The following TRIM47 variants were observed in gnomAD, a reference collection of about 807,000 sequenced individuals.
TRIM47 encodes tripartite motif containing 47.
TRIM47 carries 46 observed loss-of-function variants against 54.4 expected under a neutral mutation model. The ratio of observed to expected loss-of-function variants is 0.84; its 90% CI spans 0.67 to 1.08. The LOEUF (loss-of-function observed/expected upper bound fraction) is 1.08. Among genes scored for constraint, TRIM47 ranks in the 50% least tolerant of loss-of-function variants. The pLI is 0.00. For missense variants in TRIM47, 825 were observed against 910.1 expected (o/e 0.91, Z 1.20); for synonymous variants, 392 against 410.2 (o/e 0.96, Z 0.54).
chr17:75,877,437 A>C, intron 1 of TRIM47: 4 of 174,388 alleles, frequency 2.3e-5, no homozygotes, highest in Non-Finnish European at 3.6e-5. Flanking sequence ...TGGACAGAGA[A>C]TCTGTGTGCC....
Position 75,876,372 on chromosome 17 carries a change from C to G in TRIM47, c.892G>C (p.Gly298Arg), listed in dbSNP as rs763668176. The change falls in exon 3 of 6, where the codon GGC (glycine) becomes CGC (arginine). Residue 298 changes from glycine (G) to arginine (R), a missense_variant. Gly to Arg is a moderately radical substitution (Grantham distance 125, BLOSUM62 -2). Coordinates refer to ENST00000254816, the MANE Select transcript of TRIM47 (RefSeq NM_033452.3). ...FIEEGEAAML[G>R]RSQGDLRRQE... ...CGCCGCAGGTCACCCTGGGAGCGGCCTAGCATGGCAGCTTCCCCCTCCTCG... is the reference window on the plus strand; with the variant it reads ...CGCCGCAGGTCACCCTGGGAGCGGCGTAGCATGGCAGCTTCCCCCTCCTCG... 19 of 1,612,178 alleles carry G rather than the reference C, an allele frequency of 1.2e-5. No homozygotes were observed. The highest frequency in any genetic ancestry group is 1.7e-5 in the Admixed American group (1 of 59,992).
Position 75,876,040 on chromosome 17 carries a change from C to G in TRIM47, c.1062G>C (p.Pro354=), listed in dbSNP as rs761877823. 1.9e-6 allele frequency: 3 copies of G among 1,602,956 alleles called. No homozygotes were observed. Among genetic ancestry groups the G allele is most frequent in the Admixed American group, 1.7e-5 (1 of 60,006 alleles). ...EDGCGPGPGP[P]RELSFTKSSQ... ...ATGATTTGGTGAAGCTGAGCTCCCT[C>G]GGGGGTCCAGGCCCAGGGCCACACC... The change falls in exon 4 of 6, where the codon CCG becomes CCC. Residue 354 remains proline (P), a synonymous_variant. Coordinates refer to ENST00000254816, the MANE Select transcript of TRIM47 (RefSeq NM_033452.3).
At position 75,874,697 on chromosome 17, in the gene TRIM47, T is replaced by C; in HGVS notation, c.1703A>G (p.Lys568Arg). 1 of 1,610,298 alleles carries C rather than the reference T, an allele frequency of 6.2e-7. No homozygotes were observed. Residue 568 changes from lysine (K) to arginine (R), a missense_variant, in exon 6 of 6, where the codon AAG (lysine) becomes AGG (arginine). Transcript: ENST00000254816. This position sits in a 1 kb window ranked among gnomAD's most constrained non-coding sequence, Gnocchi z 6.2. ...ALAFYAVRDG[K>R]MSLLRRLKAS... Reference sequence around the variant, plus strand: ...CTTCAGCCTCCGCAGGAGGCTCATCTTGCCGTCCCGTACAGCATAGAAGGC... The same window carrying C: ...CTTCAGCCTCCGCAGGAGGCTCATCCTGCCGTCCCGTACAGCATAGAAGGC...
In TRIM47 at chr17:75,874,611, G is replaced by A; in HGVS notation, c.1789C>T (p.Leu597=). ...ASPIDPFQSR[L]DSHFAGLFTH... is the part of the protein sequence containing the mutation. ...AAGAGCCCCGCAAAGTGACTGTCCA[G>A]GCGGCTCTGGAAGGGGTCAATGGGG... Residue 597 remains leucine (L), a synonymous_variant, in exon 6 of 6, where the codon CTG becomes TTG. Coordinates refer to ENST00000254816, the MANE Select transcript of TRIM47 (RefSeq NM_033452.3). This position sits in a 1 kb window ranked among gnomAD's most constrained non-coding sequence, Gnocchi z 6.2. 6.4e-7 allele frequency: 1 copy of A among 1,569,318 alleles called. No homozygotes were observed. The highest frequency in any genetic ancestry group is 2.3e-5 in the East Asian group (1 of 44,364).
In TRIM47 at chr17:75,874,252, C is replaced by A; in HGVS notation, c.*231G>T. 1 of 412,368 alleles carries A rather than the reference C, an allele frequency of 2.4e-6. No homozygotes were observed. The highest frequency in any genetic ancestry group is 4.3e-6 in the Non-Finnish European group (1 of 234,074). 25.5% of individuals were successfully genotyped at this position (412,368 alleles called of 1,614,324 possible). A position where few individuals can be genotyped will look rare whatever the true frequency, so the allele number is the denominator to read the frequency against. On this transcript the variant is annotated 3_prime_UTR_variant, in exon 6 of 6. Transcript: ENST00000254816. This position sits in a 1 kb window ranked among gnomAD's most constrained non-coding sequence, Gnocchi z 6.2. ...AAGGAGGGGTTAGGGTAGCTTGGAG[C>A]TGTCCCAGCTGTAGCTCTGTCTCCC...
At position 75,874,336 on chromosome 17, in the gene TRIM47, G is replaced by T; in HGVS notation, c.*147C>A. 2.9e-6 allele frequency: 2 copies of T among 700,000 alleles called. No individual in the cohort carries two copies. Among genetic ancestry groups the T allele is most frequent in the Non-Finnish European group, 4.3e-6 (2 of 459,798 alleles). 43.4% of individuals were successfully genotyped at this position (700,000 alleles called of 1,614,324 possible). ...GGTCCTCCTGCCTGGGAGAGGGAAG[G>T]CTGAGTGTATAAAAAGGTGGAAGCC... On this transcript the variant is annotated 3_prime_UTR_variant, in exon 6 of 6. Coordinates refer to ENST00000254816, the MANE Select transcript of TRIM47 (RefSeq NM_033452.3). The surrounding 1 kb of genome is among the most constrained non-coding windows in gnomAD (Gnocchi z 6.2).
chr17:75,876,625 A>G, intron 2 of TRIM47, 93 bp downstream of exon 2: 1 of 1,541,740 alleles, frequency 6.5e-7, no homozygotes, highest in East Asian at 2.3e-5. Flanking sequence ...CCTGTCCTGG[A>G]TCTGGGCCAG....
chr17:75,877,037 C>A, intron 1 of TRIM47: 1 of 571,270 alleles, frequency 1.8e-6, no homozygotes, highest in Non-Finnish European at 3.1e-6. Context: ...GACTGGGTGT[C>A]TGCCTCGGGT....
At chr17:75,877,456 C>T in intron 1 of TRIM47, 1 of 192,962 alleles carries the variant, frequency 5.2e-6, no homozygotes, top group East Asian at 1.3e-4. Flanking sequence ...CCCGGTCGCC[C>T]TCTGCCGCCC....
chr17:75,877,907 C>T lies in TRIM47; in HGVS notation c.642G>A (p.Leu214=). 7.0e-7 allele frequency: 1 copy of T among 1,423,224 alleles called. No homozygotes were observed. The highest frequency in any genetic ancestry group is 9.2e-7 in the Non-Finnish European group (1 of 1,091,362). 88.2% of individuals were successfully genotyped at this position (1,423,224 alleles called of 1,614,324 possible). A position where few individuals can be genotyped will look rare whatever the true frequency, so the allele number is the denominator to read the frequency against. The change falls in exon 1 of 6, where the codon CTG becomes CTA. Residue 214 remains leucine, a synonymous_variant. Transcript: ENST00000254816. The part of the protein sequence containing the change: ...CAAQEHRGHE[L]VPLEQERALQ... ...GCGCGCGCTCCTGCTCCAGCGGCAC[C>T]AGCTCGTGGCCGCGGTGCTCCTGTG... is the stretch of plus-strand genomic sequence containing the variant.
chr17:75,878,225 G>A lies in TRIM47; in HGVS notation c.324C>T (p.Val108=), dbSNP rs2065147844. The A allele has an allele frequency of 1.6e-6, 2 of 1,231,178 alleles. No homozygotes were observed. Among genetic ancestry groups the A allele is most frequent in the African/African-American group, 1.6e-5 (1 of 64,000 alleles). 76.3% of individuals were successfully genotyped at this position (1,231,178 alleles called of 1,614,324 possible). ...GAGCGCAGGGGGCCGACGGCTCCGG[G>A]ACACTGGGCAGCGCGCTGGGTGCCG... ...EPSAPSALPS[V]PEPSAPCAPE... The change falls in exon 1 of 6, where the codon GTC becomes GTT. Residue 108 remains valine, a synonymous_variant. Transcript: ENST00000254816.
At position 75,876,407 on chromosome 17, in the gene TRIM47, A is replaced by C; in HGVS notation, c.857T>G (p.Leu286Arg). 6.2e-7 allele frequency: 1 copy of C among 1,612,266 alleles called. No homozygotes were observed. The highest frequency in any genetic ancestry group is 8.5e-7 in the Non-Finnish European group (1 of 1,179,998). ...AGCTTCCCCCTCCTCGATGAAGCCC[A>C]GCACCTGGGTCTGGAAGCCCTGCAG... ...AALQGFQTQV[L>R]GFIEEGEAAM... The change falls in exon 3 of 6, where the codon CTG (leucine) becomes CGG (arginine). Residue 286 changes from leucine (L) to arginine (R), a missense_variant. Coordinates refer to ENST00000254816, the MANE Select transcript of TRIM47 (RefSeq NM_033452.3).
intron 1 of TRIM47, chr17:75,877,584 C>G: frequency 1.0e-6 from 1 of 1,004,950 alleles, no homozygotes; most frequent in Admixed American, 4.5e-5. Context: ...CCCCGCGGGC[C>G]TAACCCGGCT....
Position 75,875,735 on chromosome 17 carries a change from G to C in TRIM47, c.1201+166C>G. ...CCCTCTACCCCAGGTCCAAGGGGCT[G>C]ATTGATCCCCACAGGGTGGCAGCTC... On this transcript the variant is annotated intron_variant, in intron 4 of 5. Coordinates refer to ENST00000254816, the MANE Select transcript of TRIM47 (RefSeq NM_033452.3). This position sits in a 1 kb window ranked among gnomAD's most constrained non-coding sequence, Gnocchi z 6.1. 1 of 847,888 alleles carries C rather than the reference G, an allele frequency of 1.2e-6. No individual in the cohort carries two copies. Among genetic ancestry groups the C allele is most frequent in the Non-Finnish European group, 1.8e-6 (1 of 552,994 alleles). The allele number at this position is 847,888 out of a possible 1,614,324, so 52.5% of individuals were successfully genotyped here.
At position 75,874,172 on chromosome 17, in the gene TRIM47, A is replaced by T. The variant is rs144917436; in HGVS notation, c.*311T>A. 3.9e-6 allele frequency: 1 copy of T among 253,718 alleles called. No individual in the cohort carries two copies. Among genetic ancestry groups the T allele is most frequent in the East Asian group, 7.0e-5 (1 of 14,386 alleles). The allele number at this position is 253,718 out of a possible 1,614,324, so 15.7% of individuals were successfully genotyped here. A position where few individuals can be genotyped will look rare whatever the true frequency, so the allele number is the denominator to read the frequency against. On this transcript the variant is annotated 3_prime_UTR_variant, in exon 6 of 6. Coordinates refer to ENST00000254816, the MANE Select transcript of TRIM47 (RefSeq NM_033452.3). The surrounding 1 kb of genome is among the most constrained non-coding windows in gnomAD (Gnocchi z 6.2). The stretch of plus-strand genomic sequence containing the variant: ...GGATGGAAAAGGAGTCATTCATTCA[A>T]CAAGTGTTTATTGAGCATCTACTAC...
At position 75,875,106 on chromosome 17, in the gene TRIM47, A is replaced by C; in HGVS notation, c.1294T>G (p.Leu432Val). ...YFLKFAYIVD[L>V]DSDTADKFLQ... ...AACTTGTCTGCTGTGTCGCTGTCCA[A>C]ATCCACAATATAGGCAACTGATCCC... Residue 432 changes from leucine (L) to valine (V), a missense_variant, in exon 6 of 6, where the codon TTG becomes GTG. Leu to Val is a conservative substitution (Grantham distance 32). Coordinates refer to ENST00000254816, the MANE Select transcript of TRIM47 (RefSeq NM_033452.3). The surrounding 1 kb of genome is among the most constrained non-coding windows in gnomAD (Gnocchi z 6.1). The C allele has an allele frequency of 6.3e-7, 1 of 1,599,896 alleles. No individual in the cohort carries two copies. Among genetic ancestry groups the C allele is most frequent in the Non-Finnish European group, 8.5e-7 (1 of 1,170,208 alleles).
chr17:75,874,527 C>A lies in TRIM47; in HGVS notation c.1873G>T (p.Gly625Trp). Reference protein sequence around the residue: ...LESVDAHLQIGPLKKSCISVL... With the variant: ...LESVDAHLQIWPLKKSCISVL... ...GATATGCAGGACTTCTTGAGGGGCC[C>A]GATCTGCAAGTGGGCGTCCACACTC... Residue 625 changes from glycine to tryptophan, a missense_variant, in exon 6 of 6, where the codon GGG (glycine) becomes TGG (tryptophan). Physicochemically the swap from Gly to Trp is radical, Grantham distance 184 (BLOSUM62 -2). Transcript: ENST00000254816. This position sits in a 1 kb window ranked among gnomAD's most constrained non-coding sequence, Gnocchi z 6.2. 1 of 1,513,866 alleles carries A rather than the reference C, an allele frequency of 6.6e-7. No homozygotes were observed. Among genetic ancestry groups the A allele is most frequent in the Non-Finnish European group, 8.8e-7 (1 of 1,131,072 alleles). 93.8% of individuals were successfully genotyped at this position (1,513,866 alleles called of 1,614,324 possible).
chr17:75,877,647 G>A (rs917486855), intron 1 of TRIM47: 43 of 1,222,024 alleles, frequency 3.5e-5, no homozygotes, highest in South Asian at 4.1e-5. Flanking sequence ...TCCCCTGCCC[G>A]CTCTTCGCGT....
rs866752661 is a variant in TRIM47 at position 75,878,499 on chromosome 17, C to T, written c.50G>A (p.Arg17Gln). Residue 17 changes from arginine (R) to glutamine (Q), a missense_variant, in exon 1 of 6, where the codon CGG (arginine) becomes CAG (glutamine). By Grantham distance (43) the Arg-to-Gln change is conservative. Transcript: ENST00000254816. ...FSCPICLEPL[R>Q]EPVTLPCGHN... is the part of the protein sequence containing the mutation. ...GCCGCAGGGCAGCGTCACCGGCTCC[C>T]GGAGTGGCTCTAGGCAGATGGGGCA... 1.5e-6 allele frequency: 2 copies of T among 1,377,986 alleles called. No homozygotes were observed. Among genetic ancestry groups the T allele is most frequent in the South Asian group, 1.7e-5 (1 of 59,970 alleles). The allele number at this position is 1,377,986 out of a possible 1,614,324, so 85.4% of individuals were successfully genotyped here.
Sources: gnomAD v4.1 joint callset for allele counts on GRCh38, gnomAD v4.1.1 for gene constraint, Gnocchi (gnomAD v3.1) non-coding constraint, MANE v1.5 for transcripts, NCBI Gene and HGNC (gene_info 2026-07-23, HGNC 2026-07-21) for gene names.